PDZRN4: variants seen among roughly 807,000 people sequenced by gnomAD.
PDZRN4 encodes PDZ domain-containing RING finger protein 4.
A neutral mutation model predicts 99.0 loss-of-function variants in PDZRN4; 70 were observed. That is an observed-to-expected ratio of 0.71 (90% CI 0.58 to 0.86). PDZRN4 has a LOEUF of 0.86. Among genes scored for constraint, PDZRN4 ranks in the 40% least tolerant of loss-of-function variants. The pLI is 0.00. For missense variants in PDZRN4, 1,474 were observed against 1,331.2 expected (o/e 1.11, Z -1.67); for synonymous variants, 551 against 501.6 (o/e 1.10, Z -1.32).
chr12:41,487,065 AT>A (rs1383515768), intron 3 of PDZRN4, among the ~76,000 whole-genome samples: 3 of 152,056 alleles, frequency 2.0e-5, no homozygotes, highest in African/African-American at 4.8e-5. Context: ...ATTGTTTTAT[AT>A]TTTTTTCATA....
At chr12:41,242,302 T>C (rs149201098) in intron 3 of PDZRN4, among the ~76,000 whole-genome samples, 36 of 152,302 alleles carry the variant, frequency 2.4e-4, no homozygotes, top group African/African-American at 7.9e-4. Flanking sequence ...ATGCTAAAAA[T>C]AAATTTCTCA....
At position 41,231,178 on chromosome 12, in the gene PDZRN4, G is replaced by A. The variant is rs188907507; in HGVS notation, c.843+36990G>A. On this transcript the variant is annotated intron_variant, in intron 3 of 9. Coordinates refer to ENST00000402685, the MANE Select transcript of PDZRN4 (RefSeq NM_001164595.2). ...CTCATTAGGGCTAAACAGATACAGG[G>A]AGTTAGGAGCTGATTTAGACTTGAT... 5.1e-3 allele frequency among the ~76,000 whole-genome samples: 779 copies of A among 152,208 alleles called. 1 individual carries two copies. The highest frequency in any genetic ancestry group is 8.1e-3 in the Non-Finnish European group (552 of 67,990).
chr12:41,264,121 G>C (rs928962284), intron 3 of PDZRN4, among the ~76,000 whole-genome samples: 2 of 152,114 alleles, frequency 1.3e-5, no homozygotes, highest in African/African-American at 4.8e-5. Flanking sequence ...TCATTTAGCT[G>C]CCATATAATT....
At chr12:41,488,399 T>C (rs539365106) in intron 3 of PDZRN4, among the ~76,000 whole-genome samples, 1 of 152,314 alleles carries the variant, frequency 6.6e-6, no homozygotes, top group South Asian at 2.1e-4. Flanking sequence ...GAAATTACAA[T>C]ATTAAATAAG....
intron 3 of PDZRN4, among the ~76,000 whole-genome samples, chr12:41,378,883 T>A (rs10219633): frequency 0.016 from 2,404 of 152,236 alleles, 60 homozygotes; most frequent in East Asian, 0.091. Flanking sequence ...TATTTAAATG[T>A]TTTGTAGAAT....
chr12:41,400,019 T>C (rs1952278577), intron 3 of PDZRN4, among the ~76,000 whole-genome samples: 1 of 152,136 alleles, frequency 6.6e-6, no homozygotes, highest in African/African-American at 2.4e-5. Context: ...TGTAAAATGT[T>C]GATCTCTTTT....
intron 3 of PDZRN4, among the ~76,000 whole-genome samples, chr12:41,336,676 G>A (rs1951777340): frequency 6.6e-6 from 1 of 152,088 alleles, no homozygotes; most frequent in African/African-American, 2.4e-5. Flanking sequence ...ACTCAAATCT[G>A]TCTCCCCAAG....
intron 3 of PDZRN4, among the ~76,000 whole-genome samples, chr12:41,328,928 C>T (rs1193388408): frequency 2.6e-5 from 4 of 152,068 alleles, no homozygotes; most frequent in African/African-American, 9.7e-5. Flanking sequence ...CAACAGTACT[C>T]CAGGAAGCAG....
intron 3 of PDZRN4, among the ~76,000 whole-genome samples, chr12:41,201,302 T>C (rs866831509): frequency 1.6e-4 from 25 of 152,174 alleles, no homozygotes; most frequent in Middle Eastern, 3.4e-3. Flanking sequence ...CAAACTCCTT[T>C]GTATCCTCAA....
chr12:41,489,626 G>A (rs965744025), intron 3 of PDZRN4, among the ~76,000 whole-genome samples: 1 of 150,534 alleles, frequency 6.6e-6, no homozygotes, highest in African/African-American at 2.4e-5. Flanking sequence ...ATTTTATTTT[G>A]AAAGATTTAG....
intron 3 of PDZRN4, among the ~76,000 whole-genome samples, chr12:41,271,257 C>T (rs1239760697): frequency 2.0e-5 from 3 of 151,984 alleles, no homozygotes; most frequent in Non-Finnish European, 4.4e-5. Context: ...CATTAAATAT[C>T]TTCCAAGTTT....
rs182491053 is a variant in PDZRN4 at position 41,551,665 on chromosome 12, G to A, written c.1204-991G>A. Among the ~76,000 whole-genome samples, 638 of 152,242 alleles carry A rather than the reference G, an allele frequency of 4.2e-3. 2 individuals carry two copies. The highest frequency in any genetic ancestry group is 0.017 in the Middle Eastern group (5 of 294). On this transcript the variant is annotated intron_variant, in intron 5 of 9. Coordinates refer to ENST00000402685, the MANE Select transcript of PDZRN4 (RefSeq NM_001164595.2). ...TTCAGAGCTCCCACAGAGCCTGAGT[G>A]CTAGAAATTGATCCAGACTTCACTT... is the stretch of plus-strand genomic sequence containing the variant.
chr12:41,373,056 G>C (rs912614326), intron 3 of PDZRN4, among the ~76,000 whole-genome samples: 1 of 152,126 alleles, frequency 6.6e-6, no homozygotes, highest in Admixed American at 6.6e-5. Flanking sequence ...TGCCCCCCAA[G>C]CTGCAAAACC....
chr12:41,423,827 G>A (rs939689852), intron 3 of PDZRN4, among the ~76,000 whole-genome samples: 3 of 152,166 alleles, frequency 2.0e-5, no homozygotes, highest in African/African-American at 7.2e-5. Flanking sequence ...AGAAAAGATA[G>A]TTAATATATG....
At position 41,442,501 on chromosome 12, in the gene PDZRN4, C is replaced by T. The variant is rs17129356; in HGVS notation, c.844-63955C>T. Among the ~76,000 whole-genome samples, 400 of 152,254 alleles carry T rather than the reference C, an allele frequency of 2.6e-3. 3 individuals carry two copies. The highest frequency in any genetic ancestry group is 0.018 in the Admixed American group (280 of 15,286). On this transcript the variant is annotated intron_variant, in intron 3 of 9. Coordinates refer to ENST00000402685, the MANE Select transcript of PDZRN4 (RefSeq NM_001164595.2). ...GTGCTTGTTTGTCCTTTCACCTTCA[C>T]TCTCACAGCAGATCCTCATTAGGAC...
chr12:41,401,687 G>T (rs964909011), intron 3 of PDZRN4, among the ~76,000 whole-genome samples: 64 of 152,072 alleles, frequency 4.2e-4, no homozygotes, highest in Admixed American at 4.2e-3. Flanking sequence ...TGGTTGTTCA[G>T]TCTAGCCTCT....
At chr12:41,397,152 C>T (rs183534601) in intron 3 of PDZRN4, among the ~76,000 whole-genome samples, 105 of 152,216 alleles carry the variant, frequency 6.9e-4, no homozygotes, top group East Asian at 6.2e-3. Flanking sequence ...AACTCTATTT[C>T]TAAATTCTTT....
chr12:41,333,696 T>C (rs1425167773), intron 3 of PDZRN4, among the ~76,000 whole-genome samples: 1 of 152,138 alleles, frequency 6.6e-6, no homozygotes, highest in Non-Finnish European at 1.5e-5. Flanking sequence ...GCCTAAAGCA[T>C]TCCACCAGAA....
At chr12:41,295,483 G>C (rs1951486364) in intron 3 of PDZRN4, among the ~76,000 whole-genome samples, 2 of 151,776 alleles carry the variant, frequency 1.3e-5, no homozygotes, top group South Asian at 2.1e-4. Flanking sequence ...AGGAAAGTCA[G>C]AAAAAGAACA....
Sources: allele counts gnomAD v4.1 joint callset (sites outside exome capture counted in the v4.1 genomes callset), GRCh38; gene constraint gnomAD v4.1.1; transcripts MANE v1.5; gene names NCBI Gene and HGNC (gene_info 2026-07-23, HGNC 2026-07-21).